Variants in KANTR observed in about 807,000 individuals in gnomAD.
KANTR encodes KDM5C adjacent transcript.
chrX:53,124,695 G>A (rs1933272094), exon 3 of KANTR: 1 of 260,878 alleles, frequency 3.8e-6, no homozygotes, highest in Non-Finnish European at 6.8e-6. Context: ...ATAGAAATGT[G>A]TTTTTAGATT....
At chrX:53,123,070 A>C (rs190113757) in intron 2 of KANTR, among the ~76,000 whole-genome samples, 2 of 111,953 alleles carry the variant, frequency 1.8e-5, no homozygotes, top group East Asian at 5.6e-4. Flanking sequence ...TGTTAAACTT[A>C]TAAATTAAAA....
chrX:53,097,188 T>C (rs1408522611), intron 1 of KANTR, among the ~76,000 whole-genome samples: 1 of 110,545 alleles, frequency 9.0e-6, no homozygotes, highest in Non-Finnish European at 1.9e-5. Context: ...ATTGCTTAAG[T>C]AGCAGCCTGG....
intron 2 of KANTR, among the ~76,000 whole-genome samples, chrX:53,139,243 G>C (rs1326079434): frequency 2.8e-5 from 3 of 105,436 alleles, no homozygotes; most frequent in African/African-American, 1.1e-4. Flanking sequence ...AAAAAAAAAA[G>C]GAATTCTAGG....
intron 2 of KANTR, among the ~76,000 whole-genome samples, chrX:53,117,612 T>G (rs1347585808): frequency 1.4e-4 from 3 of 21,884 alleles, no homozygotes; most frequent in Admixed American, 9.4e-4. Context: ...TGTGTGTGTT[T>G]TTTTTTTTTT....
At chrX:53,098,312 A>T in intron 1 of KANTR, among the ~76,000 whole-genome samples, 1 of 112,010 alleles carries the variant, frequency 8.9e-6, no homozygotes, top group South Asian at 3.7e-4. Flanking sequence ...TTGCTAAAAA[A>T]TGCTAAAGAT....
chrX:53,129,235 T>TGTGTGTGTGTGTG (rs1933330092), downstream of KANTR, among the ~76,000 whole-genome samples: 2 of 83,373 alleles, frequency 2.4e-5, no homozygotes, highest in Non-Finnish European at 4.7e-5. Context: ...GCCTGGCTAT[T>TGTGTGTGTGTGTG]TGTGTGTGTG....
chrX:53,134,692 GCCTA>G (rs1933400609), intron 2 of KANTR, among the ~76,000 whole-genome samples: 1 of 111,910 alleles, frequency 8.9e-6, no homozygotes, highest in African/African-American at 3.3e-5. Flanking sequence ...TGGAATATCT[GCCTA>G]TGAGGGGGTG....
chrX:53,124,711 A>C (rs1292540742), exon 3 of KANTR: 2 of 242,812 alleles, frequency 8.2e-6, no homozygotes, highest in African/African-American at 2.8e-5. Flanking sequence ...AGATTTCCAA[A>C]TGTTTGGGGA....
At chrX:53,108,347 G>A (rs1932980897) in intron 2 of KANTR, among the ~76,000 whole-genome samples, 1 of 108,475 alleles carries the variant, frequency 9.2e-6, no homozygotes, top group Admixed American at 9.9e-5. Flanking sequence ...GACTACAGGT[G>A]CATACTACCA....
At chrX:53,120,478 G>A (rs1933201034) in intron 2 of KANTR, among the ~76,000 whole-genome samples, 1 of 111,520 alleles carries the variant, frequency 9.0e-6, no homozygotes. Context: ...GCCTGACATA[G>A]CTCTCTATTG....
chrX:53,145,156 G>C (rs1556819107), downstream of KANTR, among the ~76,000 whole-genome samples: 2 of 111,362 alleles, frequency 1.8e-5, no homozygotes, highest in African/African-American at 3.3e-5. Context: ...GACAGTGGGT[G>C]CAGGACAGTG....
intron 2 of KANTR, among the ~76,000 whole-genome samples, chrX:53,133,069 C>T (rs782546030): frequency 4.5e-5 from 5 of 110,561 alleles, no homozygotes; most frequent in Non-Finnish European, 9.5e-5. Context: ...ATACATAAAA[C>T]AAGAAAGCGG....
chrX:53,132,596 C>G (rs1933372607), intron 2 of KANTR, among the ~76,000 whole-genome samples: 1 of 111,954 alleles, frequency 8.9e-6, no homozygotes, highest in Non-Finnish European at 1.9e-5. Context: ...GGCATAGGGA[C>G]CCTCTTGCAT....
intron 1 of KANTR, among the ~76,000 whole-genome samples, chrX:53,097,608 C>T (rs1272926713): frequency 9.5e-6 from 1 of 105,638 alleles, no homozygotes; most frequent in African/African-American, 3.4e-5. Flanking sequence ...CCGCCTTGGC[C>T]TCCCAAAGTG....
intron 1 of KANTR, among the ~76,000 whole-genome samples, chrX:53,097,243 T>C (rs1160787847): frequency 2.7e-5 from 3 of 110,574 alleles, no homozygotes; most frequent in Non-Finnish European, 5.7e-5. Context: ...CTCATACCCC[T>C]CTTACCGGGA....
intron 2 of KANTR, among the ~76,000 whole-genome samples, chrX:53,101,916 C>T (rs1259409425): frequency 9.1e-6 from 1 of 109,353 alleles, no homozygotes; most frequent in Non-Finnish European, 1.9e-5. Context: ...AGGAGAATCG[C>T]TTGAGCCCAG....
chrX:53,144,193 G>C (rs1337954465), downstream of KANTR, among the ~76,000 whole-genome samples: 2 of 111,476 alleles, frequency 1.8e-5, no homozygotes, highest in African/African-American at 6.5e-5. Context: ...CCAGGAGTTC[G>C]AGACCAGCTT....
intron 2 of KANTR, among the ~76,000 whole-genome samples, chrX:53,134,162 G>C (rs1477133601): frequency 6.3e-5 from 7 of 111,285 alleles, no homozygotes; most frequent in African/African-American, 2.3e-4. Context: ...AGGAGTTCGA[G>C]ACCAGCCTGG....
intron 2 of KANTR, among the ~76,000 whole-genome samples, chrX:53,134,222 C>T (rs1271707363): frequency 1.8e-5 from 2 of 110,748 alleles, no homozygotes; most frequent in Non-Finnish European, 3.8e-5. Context: ...ATTAGCCGGA[C>T]GTGGTGGCAT....
Sources: gnomAD v4.1 joint callset for allele counts (sites outside exome capture counted in the v4.1 genomes callset) on GRCh38, gnomAD v4.1.1 for gene constraint, MANE v1.5 for transcripts, NCBI Gene and HGNC (gene_info 2026-07-23, HGNC 2026-07-21) for gene names.